The following STOX2 variants were observed in gnomAD, a reference collection of about 807,000 sequenced individuals.
STOX2 encodes the protein storkhead-box protein 2.
In STOX2, 28 loss-of-function variants were observed where a neutral mutation model predicts 60.9. That is an observed-to-expected ratio of 0.46 (90% CI 0.34 to 0.63). The LOEUF (loss-of-function observed/expected upper bound fraction) is 0.63. STOX2 is among the 30% of genes least tolerant of loss of function. The pLI is 0.01. For missense variants in STOX2, 1,024 were observed against 1,187.7 expected (o/e 0.86, Z 2.03); for synonymous variants, 472 against 463.9 (o/e 1.02, Z -0.22).
At chr4:184,017,053 C>T in intron 3 of STOX2, 36 bp from the exon 4 acceptor site, 1 of 1,525,658 alleles carries the variant, frequency 6.6e-7, no homozygotes. Flanking sequence ...ATTTATGTTC[C>T]AAACAAAACA....
chr4:183,902,493 T>C (rs1741484194), upstream of STOX2, among the ~76,000 whole-genome samples: 1 of 152,220 alleles, frequency 6.6e-6, no homozygotes, highest in African/African-American at 2.4e-5. Flanking sequence ...TATTGAATAC[T>C]GGCTTACAAA....
chr4:183,883,538 G>A lies in STOX2; in HGVS notation c.364+85483G>A, dbSNP rs1423213539. ...TCACCGTGTTAGCCAGGATGGTCTC[G>A]ATCTCCTGACCTTGTGATCCACCCG... On this transcript the variant is annotated intron_variant, in intron 1 of 2. Transcript: ENST00000513034. 7.9e-5 allele frequency among the ~76,000 whole-genome samples: 12 copies of A among 152,152 alleles called. No homozygotes were observed. In the East Asian group the frequency reaches 1.9e-3, roughly 25 times the overall value.
chr4:183,818,921 A>G (rs894365065), intron 1 of STOX2, among the ~76,000 whole-genome samples: 1 of 150,416 alleles, frequency 6.6e-6, no homozygotes, highest in Non-Finnish European at 1.5e-5. Flanking sequence ...GGCGGCCGGG[A>G]AGAGGCGGTC....
At chr4:183,901,208 C>T (rs1227677169), upstream of STOX2, among the ~76,000 whole-genome samples, 1 of 152,170 alleles carries the variant, frequency 6.6e-6, no homozygotes, top group Non-Finnish European at 1.5e-5. Context: ...ATTCTGTTTT[C>T]AAGGTTCATC....
intron 1 of STOX2, among the ~76,000 whole-genome samples, chr4:183,860,894 A>C (rs1321279718): frequency 6.6e-6 from 1 of 152,228 alleles, no homozygotes; most frequent in African/African-American, 2.4e-5. Flanking sequence ...CCTTTCCCAC[A>C]GTGCTCGCCT....
At chr4:183,807,059 G>A (rs1451800611) in intron 1 of STOX2, among the ~76,000 whole-genome samples, 17 of 151,872 alleles carry the variant, frequency 1.1e-4, no homozygotes, top group Admixed American at 1.0e-3. Context: ...TGCAAGCTCC[G>A]TCTCCCGGGT....
chr4:183,983,014 C>T (rs1378224537), intron 1 of STOX2, among the ~76,000 whole-genome samples: 1 of 152,186 alleles, frequency 6.6e-6, no homozygotes, highest in South Asian at 2.1e-4. Flanking sequence ...CTGACTGACT[C>T]TTTGGCCTTG....
Position 184,009,048 on chromosome 4 carries a change from A to T in STOX2, c.320-110A>T. 1 of 841,170 alleles carries T rather than the reference A, an allele frequency of 1.2e-6. No homozygotes were observed. The highest frequency in any genetic ancestry group is 1.7e-5 in the African/African-American group (1 of 58,314). 52.1% of individuals were successfully genotyped at this position (841,170 alleles called of 1,614,324 possible). A position where few individuals can be genotyped will look rare whatever the true frequency, so the allele number is the denominator to read the frequency against. ...CACCTTTGTCTGAATTGTGCATCCTAGCTCTGTGATGGTACTTCGCATCTT... is the reference window on the plus strand; with the variant it reads ...CACCTTTGTCTGAATTGTGCATCCTTGCTCTGTGATGGTACTTCGCATCTT... On this transcript the variant is annotated intron_variant, in intron 2 of 3. Coordinates refer to ENST00000308497, the MANE Select transcript of STOX2 (RefSeq NM_020225.3). The surrounding 1 kb of genome is among the most constrained non-coding windows in gnomAD (Gnocchi z 4.0).
At chr4:183,976,772 CCCTT>C (rs1386267298) in intron 1 of STOX2, among the ~76,000 whole-genome samples, 1 of 152,176 alleles carries the variant, frequency 6.6e-6, no homozygotes, top group Non-Finnish European at 1.5e-5. Context: ...CTAATACCCT[CCCTT>C]TAAGACTGGA....
chr4:183,950,806 G>A (rs1022218979), intron 1 of STOX2, among the ~76,000 whole-genome samples: 2 of 152,170 alleles, frequency 1.3e-5, no homozygotes, highest in Admixed American at 6.5e-5. Context: ...AGTTTTGTGG[G>A]AACGCAGGCT....
chr4:183,986,116 G>T lies in STOX2; in HGVS notation c.167-15209G>T, dbSNP rs537783516. On this transcript the variant is annotated intron_variant, in intron 1 of 3. Transcript: ENST00000308497. ...GAAGGGAAAATCAAGACCGTATTTG[G>T]TTAAGTATGTGGAGAAAGAAAAAAA... Among the ~76,000 whole-genome samples the T allele has an allele frequency of 2.0e-5, 3 of 151,978 alleles. No individual in the cohort carries two copies. In the South Asian group the frequency reaches 6.2e-4, roughly 32 times the overall value.
chr4:183,812,291 TCATATTTAGCCAGCAAATTTG>T (rs1222616979), intron 1 of STOX2, among the ~76,000 whole-genome samples: 86 of 152,020 alleles, frequency 5.7e-4, no homozygotes, highest in Non-Finnish European at 2.4e-4. Flanking sequence ...AAATGTGAAA[TCATATTTAGCCAGCAAATTTG>T]CATGTAATTT....
At chr4:183,876,646 G>A (rs1389632057) in intron 1 of STOX2, among the ~76,000 whole-genome samples, 3 of 152,236 alleles carry the variant, frequency 2.0e-5, no homozygotes, top group Admixed American at 1.3e-4. Flanking sequence ...CTGCTGAGCT[G>A]TCAGTAGTTC....
intron 1 of STOX2, among the ~76,000 whole-genome samples, chr4:183,845,521 A>C (rs1739965442): frequency 6.6e-6 from 1 of 152,172 alleles, no homozygotes; most frequent in Non-Finnish European, 1.5e-5. Context: ...GTGGAGAGCC[A>C]TCTGAGGCTT....
At chr4:183,974,024 A>C (rs1732340548) in intron 1 of STOX2, among the ~76,000 whole-genome samples, 3 of 152,226 alleles carry the variant, frequency 2.0e-5, no homozygotes, top group Non-Finnish European at 4.4e-5. Context: ...ATGGAAATCA[A>C]ATATTCTAGC....
At chr4:183,958,975 T>C (rs1385993294) in intron 1 of STOX2, among the ~76,000 whole-genome samples, 3 of 152,086 alleles carry the variant, frequency 2.0e-5, no homozygotes, top group Non-Finnish European at 4.4e-5. Context: ...GAGGACTGAA[T>C]GCTACAAATC....
intron 1 of STOX2, among the ~76,000 whole-genome samples, chr4:183,951,813 C>T (rs1743104775): frequency 6.6e-6 from 1 of 151,972 alleles, no homozygotes; most frequent in African/African-American, 2.4e-5. Context: ...CGTGGTGGTG[C>T]ATGCCTGTAG....
chr4:184,007,970 G>A (rs1230679925), intron 2 of STOX2, among the ~76,000 whole-genome samples: 2 of 152,216 alleles, frequency 1.3e-5, no homozygotes, highest in Non-Finnish European at 1.5e-5. Context: ...GGTGGGGAGT[G>A]CATAATTCAA....
rs558338900 is a variant in STOX2 at position 184,018,457 on chromosome 4, T to C, written c.*1173T>C. On this transcript the variant is annotated 3_prime_UTR_variant, in exon 4 of 4. Transcript: ENST00000308497. ...TTAAAATAATTTTTGATTAGAAATA[T>C]ACATGTGCCCATGTAATAAACAACA... The C allele has an allele frequency of 9.7e-6, 1 of 103,174 alleles. No homozygotes were observed. Among genetic ancestry groups the C allele is most frequent in the African/African-American group, 2.6e-5 (1 of 39,106 alleles). 6.4% of individuals were successfully genotyped at this position (103,174 alleles called of 1,614,324 possible). A position where few individuals can be genotyped will look rare whatever the true frequency, so the allele number is the denominator to read the frequency against.
Sources: allele counts gnomAD v4.1 joint callset (sites outside exome capture counted in the v4.1 genomes callset), GRCh38; gene constraint gnomAD v4.1.1; non-coding constraint Gnocchi (gnomAD v3.1); transcripts MANE v1.5; gene names NCBI Gene and HGNC (gene_info 2026-07-23, HGNC 2026-07-21).